C1orf21: variants seen among roughly 807,000 people sequenced by gnomAD.
C1orf21 encodes the protein chromosome 1 open reading frame 21, also known as uncharacterized protein C1orf21.
C1orf21 carries 3 observed loss-of-function variants against 18.7 expected under a neutral mutation model. That is an observed-to-expected ratio of 0.16 (90% CI 0.07 to 0.42). The LOEUF is 0.42. C1orf21 is among the 10% of genes least tolerant of loss of function. The pLI is 0.99. For synonymous variants in C1orf21, 41 were observed against 46.4 expected (o/e 0.88, Z 0.47); for missense variants, 104 against 143.6 (o/e 0.72, Z 1.41).
At chr1:184,513,593 G>T (rs1658183036) in intron 3 of C1orf21, among the ~76,000 whole-genome samples, 1 of 152,254 alleles carries the variant, frequency 6.6e-6, no homozygotes, top group South Asian at 2.1e-4. Context: ...TGCCTGGATG[G>T]CTGGTAGGCT....
intron 3 of C1orf21, among the ~76,000 whole-genome samples, chr1:184,513,353 G>A (rs905281487): frequency 2.0e-5 from 3 of 152,182 alleles, no homozygotes; most frequent in African/African-American, 4.8e-5. Flanking sequence ...AAACTTTTAT[G>A]ATAAATAAAA....
At chr1:184,432,289 T>C (rs1656777811) in intron 1 of C1orf21, among the ~76,000 whole-genome samples, 2 of 152,314 alleles carry the variant, frequency 1.3e-5, no homozygotes, top group South Asian at 2.1e-4. Context: ...CCATCAGTGA[T>C]AGACTGGATA....
intron 5 of C1orf21, among the ~76,000 whole-genome samples, chr1:184,605,392 A>G (rs1284471423): frequency 6.6e-6 from 1 of 152,248 alleles, no homozygotes; most frequent in East Asian, 1.9e-4. Context: ...TTGTTTCCTC[A>G]GAACCTAGCA....
intron 3 of C1orf21, among the ~76,000 whole-genome samples, chr1:184,544,794 A>C (rs1313099110): frequency 3.9e-5 from 6 of 152,208 alleles, no homozygotes; most frequent in African/African-American, 4.8e-5. Context: ...AACTGTGGGC[A>C]GCAGCTGCAT....
At chr1:184,470,401 T>C (rs1557980358) in intron 1 of C1orf21, among the ~76,000 whole-genome samples, 1 of 152,232 alleles carries the variant, frequency 6.6e-6, no homozygotes, top group Non-Finnish European at 1.5e-5. Flanking sequence ...GCTGCTATTA[T>C]TAATTTTAAG....
rs75901659 is a variant in C1orf21, at chr1:184,404,795, A to G, written c.-125+17427A>G. Among the ~76,000 whole-genome samples the G allele has an allele frequency of 7.6e-3, 1,157 of 152,272 alleles. 16 individuals are homozygous for G. The highest frequency in any genetic ancestry group is 0.027 in the African/African-American group (1,117 of 41,538). On this transcript the variant is annotated intron_variant, in intron 1 of 5. Coordinates refer to ENST00000235307, the MANE Select transcript of C1orf21 (RefSeq NM_030806.4). ...ATCAATTTTAAGCTTGCTTTTCTTT[A>G]GTGCCATTAAACAGTCACTCTCTAC...
chr1:184,489,211 T>C (rs1657778586), intron 2 of C1orf21, among the ~76,000 whole-genome samples: 1 of 152,054 alleles, frequency 6.6e-6, no homozygotes, highest in South Asian at 2.1e-4. Context: ...CTGAAGTTAA[T>C]ATGACTAATA....
chr1:184,513,551 C>G (rs1658182494), intron 3 of C1orf21, among the ~76,000 whole-genome samples: 1 of 152,236 alleles, frequency 6.6e-6, no homozygotes, highest in Non-Finnish European at 1.5e-5. Flanking sequence ...AAATCTCTCT[C>G]TGAAAGATAC....
intron 3 of C1orf21, among the ~76,000 whole-genome samples, chr1:184,513,501 G>A (rs553745527): frequency 7.2e-5 from 11 of 152,318 alleles, no homozygotes; most frequent in East Asian, 1.9e-4. Context: ...AATACGTTCC[G>A]TATCACTAGA....
chr1:184,545,182 A>G (rs895540436), intron 3 of C1orf21, among the ~76,000 whole-genome samples: 1 of 152,108 alleles, frequency 6.6e-6, no homozygotes, highest in African/African-American at 2.4e-5. Flanking sequence ...CCATGAGGCT[A>G]CTCTAAAAAC....
At chr1:184,515,168 T>A (rs1384183443) in intron 3 of C1orf21, among the ~76,000 whole-genome samples, 1 of 152,192 alleles carries the variant, frequency 6.6e-6, no homozygotes, top group Non-Finnish European at 1.5e-5. Flanking sequence ...GTTACTTTTA[T>A]TAGTGGAGTT....
At chr1:184,468,755 C>T (rs1001365164) in intron 1 of C1orf21, among the ~76,000 whole-genome samples, 3 of 151,792 alleles carry the variant, frequency 2.0e-5, no homozygotes, top group African/African-American at 7.3e-5. Context: ...ACCGTCTCTA[C>T]TGAAAATACA....
chr1:184,495,247 C>G lies in C1orf21; in HGVS notation c.95-12341C>G, dbSNP rs184443433. On this transcript the variant is annotated intron_variant, in intron 2 of 5. Transcript: ENST00000235307. ...CAACATAGACTCTCATCCCTACACT[C>G]TTTTGTTCCTCATGGAACTCTGAGC... Among the ~76,000 whole-genome samples, 401 of 152,322 alleles carry G rather than the reference C, an allele frequency of 2.6e-3. 1 individual carries two copies. The highest frequency in any genetic ancestry group is 9.2e-3 in the African/African-American group (382 of 41,584).
rs956362909 is a variant in C1orf21, at chr1:184,481,546, T to C, written c.94+3943T>C. Among the ~76,000 whole-genome samples, 6 of 151,980 alleles carry C rather than the reference T, an allele frequency of 3.9e-5. 1 individual carries two copies. The highest frequency in any genetic ancestry group is 2.6e-4 in the Admixed American group (4 of 15,268). On this transcript the variant is annotated intron_variant, in intron 2 of 5. Transcript: ENST00000235307. ...AGCAAGGGTATAGGTGCAGGGAGGG[T>C]CAAGATTGGGGCTAAAAATCAGTTT...
In C1orf21 at chr1:184,392,497, A is replaced by C. The variant is rs537643077; in HGVS notation, c.-125+5129A>C. Reference sequence around the variant, plus strand: ...AAATTACGTATTGGGCACAATGTACACTATTTGGGTGATGGGTACACTAAA... The same window carrying C: ...AAATTACGTATTGGGCACAATGTACCCTATTTGGGTGATGGGTACACTAAA... On this transcript the variant is annotated intron_variant, in intron 1 of 5. Transcript: ENST00000235307. Among the ~76,000 whole-genome samples the C allele has an allele frequency of 2.9e-4, 44 of 152,338 alleles. 1 individual carries two copies. The highest frequency in any genetic ancestry group is 1.1e-3 in the African/African-American group (44 of 41,572).
chr1:184,607,269 C>G (rs1490030788), intron 5 of C1orf21, among the ~76,000 whole-genome samples: 1 of 152,158 alleles, frequency 6.6e-6, no homozygotes, highest in Non-Finnish European at 1.5e-5. Context: ...AAAACAGGCA[C>G]AGGGAGCCGG....
At chr1:184,489,062 A>G (rs890410175) in intron 2 of C1orf21, among the ~76,000 whole-genome samples, 4 of 152,212 alleles carry the variant, frequency 2.6e-5, no homozygotes, top group African/African-American at 9.6e-5. Context: ...TCTTAATGCT[A>G]CAAAACCCAA....
chr1:184,405,930 G>T (rs909379053), intron 1 of C1orf21, among the ~76,000 whole-genome samples: 1 of 152,202 alleles, frequency 6.6e-6, no homozygotes, highest in African/African-American at 2.4e-5. Flanking sequence ...AGGGATATGT[G>T]TGCCTCTCCA....
At chr1:184,492,588 A>G (rs1477979673) in intron 2 of C1orf21, among the ~76,000 whole-genome samples, 1 of 152,260 alleles carries the variant, frequency 6.6e-6, no homozygotes, top group Admixed American at 6.5e-5. Flanking sequence ...AGAAAGAAGT[A>G]TCACCAATAT....
Sources: allele counts gnomAD v4.1 joint callset (sites outside exome capture counted in the v4.1 genomes callset), GRCh38; gene constraint gnomAD v4.1.1; transcripts MANE v1.5; gene names NCBI Gene and HGNC (gene_info 2026-07-23, HGNC 2026-07-21).